PSG7: variants seen among roughly 807,000 people sequenced by gnomAD.
PSG7 encodes the protein pregnancy specific beta-1-glycoprotein 7.
Under a neutral mutation model 45.6 loss-of-function variants are expected in PSG7, and 57 were observed. The observed-to-expected ratio is 1.25, with a 90% CI of 1.01 to 1.56. The LOEUF (loss-of-function observed/expected upper bound fraction) is 1.56. PSG7 is among the 40% of genes most tolerant of loss of function. PSG7 has a pLI of 0.00. For missense variants in PSG7, 796 were observed against 508.4 expected (o/e 1.57, Z -5.44); for synonymous variants, 298 against 194.4 (o/e 1.53, Z -4.43).
chr19:42,935,815 G>A (rs782380099), intron 1 of PSG7, 46 bp from the exon 2 acceptor site: 29 of 1,558,134 alleles, frequency 1.9e-5, no homozygotes, highest in Admixed American at 3.7e-5. Flanking sequence ...CCTATGTGTT[G>A]GGTTGAAAAG....
At position 42,936,791 on chromosome 19, in the gene PSG7, G is replaced by A. The variant is rs2122704042; in HGVS notation, c.64+222C>T. Among the ~76,000 whole-genome samples, 3 of 151,522 alleles carry A rather than the reference G, an allele frequency of 2.0e-5. 1 individual carries two copies. In the South Asian group the frequency reaches 6.3e-4, roughly 32 times the overall value. On this transcript the variant is annotated intron_variant, in intron 1 of 5. Coordinates refer to ENST00000406070, the MANE Select transcript of PSG7 (RefSeq NM_002783.3). Reference sequence around the variant, plus strand: ...GCCTCCTGAGTAGCTAGGATTACAGGAGCACACCACCATACCTGGTTAATT... The same window carrying A: ...GCCTCCTGAGTAGCTAGGATTACAGAAGCACACCACCATACCTGGTTAATT...
chr19:42,927,388 A>G (rs552563430), intron 3 of PSG7: 1 of 154,134 alleles, frequency 6.5e-6, no homozygotes, highest in African/African-American at 2.4e-5. Context: ...GGAATGATCT[A>G]GAAAGAGTGA....
intron 3 of PSG7, chr19:42,929,134 A>T: frequency 5.8e-6 from 3 of 514,640 alleles, no homozygotes; most frequent in Non-Finnish European, 9.9e-6. Flanking sequence ...CTGTGAGTCA[A>T]GTCGCAACAC....
rs747071222 is a variant in PSG7 at position 42,929,703 on chromosome 19, A to G, written c.448T>C (p.Ser150Pro). ...GGGTTGAAATTGCTGCTGGAGATGG[A>G]GGGTTTGGGAGTCTCCACTGTGCGG... Reference protein sequence around the residue: ...FTLYLETPKPSISSSNFNPRE... With the variant: ...FTLYLETPKPPISSSNFNPRE... Residue 150 changes from serine to proline, a missense_variant, in exon 3 of 6, where the codon TCC (serine) becomes CCC (proline). By Grantham distance (74) the Ser-to-Pro change is moderately conservative (BLOSUM62 -1). Transcript: ENST00000406070. 2 of 1,612,056 alleles carry G rather than the reference A, an allele frequency of 1.2e-6. No homozygotes were observed. Among genetic ancestry groups the G allele is most frequent in the Non-Finnish European group, 1.7e-6 (2 of 1,179,006 alleles).
In PSG7 at chr19:42,929,557, G is replaced by T; in HGVS notation, c.594C>A (p.Thr198=). The change falls in exon 3 of 6, where the codon ACC becomes ACA. Residue 198 remains threonine (T), a synonymous_variant. Transcript: ENST00000406070. ...PMTHSLQLSE[T]NRTLYLFGVT... Reference sequence around the variant, plus strand: ...CACCAAATAGGTAGAGGGTCCTGTTGGTTTCAGACAGCTGCAAGCTGTGAG... The same window carrying T: ...CACCAAATAGGTAGAGGGTCCTGTTTGTTTCAGACAGCTGCAAGCTGTGAG... 6.2e-7 allele frequency: 1 copy of T among 1,612,554 alleles called. No individual in the cohort carries two copies.
Position 42,935,698 on chromosome 19 carries a change from A to G in PSG7, c.136T>C (p.Ser46Pro), listed in dbSNP as rs782436886. 1.4e-5 allele frequency: 22 copies of G among 1,611,946 alleles called. 2 individuals are homozygous for G. In the South Asian group the frequency reaches 2.3e-4, roughly 17 times the overall value. Residue 46 changes from serine (S) to proline (P), a missense_variant, in exon 2 of 6, where the codon TCC (serine) becomes CCC (proline). Coordinates refer to ENST00000406070, the MANE Select transcript of PSG7 (RefSeq NM_002783.3). ...VTIEAQPPKV[S>P]EGKDVLLLVH... ...AGTAGAAGAACATCCTTCCCCTCGG[A>G]AACTTTTGGTGGCTGGGCTTCAATC...
intron 2 of PSG7, among the ~76,000 whole-genome samples, chr19:42,935,149 C>G (rs937721412): frequency 6.6e-6 from 1 of 151,884 alleles, no homozygotes; most frequent in Admixed American, 6.6e-5. Context: ...TGAGACTGAT[C>G]TCCTCCTGCT....
rs549006689 is a variant in PSG7, at chr19:42,934,305, G to T, written c.430+1099C>A. Among the ~76,000 whole-genome samples the T allele has an allele frequency of 1.8e-4, 28 of 151,478 alleles. 2 individuals are homozygous for T. In the South Asian group the frequency reaches 5.9e-3, roughly 32 times the overall value. On this transcript the variant is annotated intron_variant, in intron 2 of 5. Transcript: ENST00000406070. ...GACCACTTGCTCTCACTCCTCTGAG[G>T]TTTGGATGCCTAAGAAGAGAGGATT...
Position 42,935,543 on chromosome 19 carries a change from T to C in PSG7, c.291A>G (p.Gly97=). Residue 97 remains glycine, a synonymous_variant, in exon 2 of 6, where the codon GGA becomes GGG. Transcript: ENST00000406070. ...ATGCATTGGAATATACTGTTTCTCG[T>C]CCACTGTATGCAGGCCCATATTTAA... The part of the protein sequence containing the change: ...QIIKYGPAYS[G]RETVYSNASL... 3 of 1,612,150 alleles carry C rather than the reference T, an allele frequency of 1.9e-6. No individual in the cohort carries two copies. Among genetic ancestry groups the C allele is most frequent in the Non-Finnish European group, 2.5e-6 (3 of 1,179,058 alleles).
chr19:42,930,046 T>C (rs1437496528), intron 2 of PSG7, among the ~76,000 whole-genome samples: 1 of 151,666 alleles, frequency 6.6e-6, no homozygotes, highest in African/African-American at 2.4e-5. Flanking sequence ...CTGGCCCACC[T>C]TGTGGTCCTC....
At position 42,926,459 on chromosome 19, in the gene PSG7, G is replaced by C. The variant is rs556238390; in HGVS notation, c.967C>G (p.Pro323Ala). ...RDRYGGIRSDPVTLNVLYGPD... is the reference protein window; with the variant it reads ...RDRYGGIRSDAVTLNVLYGPD... ...TCACAGAGGACATTCAGGGTGACTG[G>C]GTCACTGCGGATGCCACCATATCGG... Residue 323 changes from proline to alanine, a missense_variant, in exon 4 of 6, where the codon CCA becomes GCA. By Grantham distance (27) the Pro-to-Ala change is conservative (BLOSUM62 -1). Transcript: ENST00000406070. The C allele has an allele frequency of 6.2e-6, 10 of 1,611,620 alleles. No homozygotes were observed. The highest frequency in any genetic ancestry group is 8.5e-6 in the Non-Finnish European group (10 of 1,178,946).
At chr19:42,928,338 G>T (rs1164748349) in intron 3 of PSG7, among the ~76,000 whole-genome samples, 1 of 151,516 alleles carries the variant, frequency 6.6e-6, no homozygotes, top group Non-Finnish European at 1.5e-5. Flanking sequence ...TGGGATGCTG[G>T]TAGGGGTTGC....
chr19:42,924,653 G>T lies in PSG7; in HGVS notation c.*155C>A. ...TGTTGTTATGGTGTTGAACATTTTG[G>T]TGAGTTCTGAGTGGCTCAGACATCA... On this transcript the variant is annotated 3_prime_UTR_variant, in exon 6 of 6. Transcript: ENST00000406070. 1 of 722,246 alleles carries T rather than the reference G, an allele frequency of 1.4e-6. No individual in the cohort carries two copies. Among genetic ancestry groups the T allele is most frequent in the South Asian group, 1.5e-5 (1 of 66,242 alleles). 44.7% of individuals were successfully genotyped at this position (722,246 alleles called of 1,614,324 possible). A position where few individuals can be genotyped will look rare whatever the true frequency, so the allele number is the denominator to read the frequency against.
In PSG7 at chr19:42,926,728, A is replaced by G; in HGVS notation, c.710-12T>C. The G allele has an allele frequency of 6.2e-7, 1 of 1,609,746 alleles. No homozygotes were observed. On this transcript the variant is annotated splice_polypyrimidine_tract_variant and intron_variant, in intron 3 of 5. Transcript: ENST00000406070. ...CTTGGGCAGCTTCGCTGTGTGAATA[A>G]CAGAGAGAAGATTGTCCTGTGTGGC...
chr19:42,933,505 T>G (rs370281535), intron 2 of PSG7, among the ~76,000 whole-genome samples: 4 of 148,620 alleles, frequency 2.7e-5, no homozygotes, highest in Admixed American at 6.8e-5. Context: ...TGGCTCGAGA[T>G]GAAGCCTGGC....
rs782174770 is a variant in PSG7 at position 42,935,624 on chromosome 19, T to C, written c.210A>G (p.Gly70=). 2.0e-5 allele frequency: 32 copies of C among 1,612,060 alleles called. 1 individual carries two copies. Among genetic ancestry groups the C allele is most frequent in the South Asian group, 6.6e-5 (6 of 90,810 alleles). ...QNLTGYIWYK[G]QIRDLYHYVT... Reference sequence around the variant, plus strand: ...CATAATGGTAGAGGTCCCTGATTTGTCCTTTGTACCAGATGTAGCCAGTAA... The same window carrying C: ...CATAATGGTAGAGGTCCCTGATTTGCCCTTTGTACCAGATGTAGCCAGTAA... Residue 70 remains glycine, a synonymous_variant, in exon 2 of 6, where the codon GGA becomes GGG. Coordinates refer to ENST00000406070, the MANE Select transcript of PSG7 (RefSeq NM_002783.3).
Position 42,937,139 on chromosome 19 carries a change from G to T in PSG7, c.-63C>A. 3.8e-6 allele frequency: 6 copies of T among 1,581,812 alleles called. No homozygotes were observed. Among genetic ancestry groups the T allele is most frequent in the Non-Finnish European group, 2.6e-6 (3 of 1,156,656 alleles). ...AGCCTAGGATCCAGAATCTTCCTGA[G>T]CACGGCTGTCAGCTGTGCTGTCCTT... is the stretch of plus-strand genomic sequence containing the variant. On this transcript the variant is annotated 5_prime_UTR_variant, in exon 1 of 6. Transcript: ENST00000406070.
intron 5 of PSG7, chr19:42,925,126 G>C (rs1323384599): frequency 2.3e-6 from 1 of 438,026 alleles, no homozygotes; most frequent in East Asian, 4.1e-5. Context: ...CTTGAGAATA[G>C]GAAGCCAAAC....
intron 2 of PSG7, among the ~76,000 whole-genome samples, chr19:42,930,627 T>C (rs1281049759): frequency 6.6e-6 from 1 of 151,712 alleles, no homozygotes; most frequent in Non-Finnish European, 1.5e-5. Flanking sequence ...TAGACCAATA[T>C]TTGGGAAGAA....
Sources: gnomAD v4.1 joint callset for allele counts (sites outside exome capture counted in the v4.1 genomes callset) on GRCh38, gnomAD v4.1.1 for gene constraint, MANE v1.5 for transcripts, NCBI Gene and HGNC (gene_info 2026-07-23, HGNC 2026-07-21) for gene names.